Variants in DOK6 observed in about 807,000 individuals in gnomAD.
DOK6 encodes the protein downstream of tyrosine kinase 6.
In DOK6, 22 loss-of-function variants were observed where a neutral mutation model predicts 44.0. The ratio of observed to expected loss-of-function variants is 0.50; its 90% CI spans 0.36 to 0.71. The LOEUF is 0.71. Ranked by LOEUF, DOK6 falls within the 30% of genes least tolerant of loss-of-function variation. DOK6 has a pLI of 0.00. For synonymous variants in DOK6, 166 were observed against 145.5 expected (o/e 1.14, Z -1.01); for missense variants, 340 against 416.4 (o/e 0.82, Z 1.60).
intron 7 of DOK6, among the ~76,000 whole-genome samples, chr18:69,807,862 T>C (rs2145112418): frequency 6.6e-6 from 1 of 151,902 alleles, no homozygotes; most frequent in South Asian, 2.1e-4. Context: ...CTGCAATATC[T>C]TACTTTTAGC....
chr18:69,565,132 G>T (rs1034755115), intron 2 of DOK6, among the ~76,000 whole-genome samples: 2 of 152,114 alleles, frequency 1.3e-5, no homozygotes, highest in African/African-American at 4.8e-5. Flanking sequence ...CCAAAATGAC[G>T]CTAAATATAT....
chr18:69,630,818 T>C (rs1984673513), intron 3 of DOK6, among the ~76,000 whole-genome samples: 1 of 152,196 alleles, frequency 6.6e-6, no homozygotes, highest in South Asian at 2.1e-4. Context: ...TTCTGTAAAA[T>C]ACTTCTGGTA....
At chr18:69,633,985 T>C (rs1259455939) in intron 3 of DOK6, among the ~76,000 whole-genome samples, 2 of 151,706 alleles carry the variant, frequency 1.3e-5, no homozygotes. Flanking sequence ...TAAGAAAACA[T>C]AAATGAAAAG....
At chr18:69,796,934 T>C (rs1016826272) in intron 7 of DOK6, among the ~76,000 whole-genome samples, 2 of 152,202 alleles carry the variant, frequency 1.3e-5, no homozygotes, top group Non-Finnish European at 2.9e-5. Flanking sequence ...TCAATGTTTT[T>C]CTTTAGTAAG....
chr18:69,518,057 C>T (rs567503823), intron 1 of DOK6, among the ~76,000 whole-genome samples: 2 of 152,154 alleles, frequency 1.3e-5, no homozygotes, highest in East Asian at 3.9e-4. Flanking sequence ...TTATGCATTT[C>T]TTTGAGTCTC....
intron 6 of DOK6, among the ~76,000 whole-genome samples, chr18:69,739,503 T>C (rs369683738): frequency 6.6e-6 from 1 of 152,312 alleles, no homozygotes; most frequent in South Asian, 2.1e-4. Flanking sequence ...AACCTTTATG[T>C]TTATCCTAGG....
chr18:69,684,408 A>G (rs1986106088), intron 4 of DOK6, among the ~76,000 whole-genome samples: 1 of 152,206 alleles, frequency 6.6e-6, no homozygotes, highest in South Asian at 2.1e-4. Context: ...AATACCTTGA[A>G]GCACCAAAGG....
chr18:69,727,097 A>G (rs1430857781), intron 5 of DOK6, among the ~76,000 whole-genome samples: 1 of 152,130 alleles, frequency 6.6e-6, no homozygotes, highest in Non-Finnish European at 1.5e-5. Flanking sequence ...GGGCTCAAGC[A>G]ATCCTCCTTC....
intron 3 of DOK6, among the ~76,000 whole-genome samples, chr18:69,632,359 T>C (rs1043091511): frequency 6.6e-6 from 1 of 152,206 alleles, no homozygotes; most frequent in Non-Finnish European, 1.5e-5. Context: ...TCCCATTTTG[T>C]TCTGAGTTTT....
Position 69,401,373 on chromosome 18 carries a change from G to A in DOK6, c.66+63G>A, listed in dbSNP as rs981198062. 8.4e-6 allele frequency: 12 copies of A among 1,424,924 alleles called. No individual in the cohort carries two copies. The East Asian group carries it at 2.1e-4, about 25-fold the overall frequency. The allele number at this position is 1,424,924 out of a possible 1,614,324, so 88.3% of individuals were successfully genotyped here. A position where few individuals can be genotyped will look rare whatever the true frequency, so the allele number is the denominator to read the frequency against. On this transcript the variant is annotated intron_variant, in intron 1 of 7. Coordinates refer to ENST00000382713, the MANE Select transcript of DOK6 (RefSeq NM_152721.6). ...CGTTCGGCCCGGCTGGCTGCCTGGGGGGGGGGCAGGGAGAGGTGACCCGTG... is the reference window on the plus strand; with the variant it reads ...CGTTCGGCCCGGCTGGCTGCCTGGGAGGGGGGCAGGGAGAGGTGACCCGTG...
intron 3 of DOK6, among the ~76,000 whole-genome samples, chr18:69,650,567 G>A (rs1449865048): frequency 3.3e-5 from 5 of 152,172 alleles, no homozygotes; most frequent in East Asian, 1.9e-4. Context: ...CCAACTTTTC[G>A]GAGCTATTTT....
At position 69,759,849 on chromosome 18, in the gene DOK6, G is replaced by C. The variant is rs568346098; in HGVS notation, c.856+1976G>C. ...TTTCATGTTTCTCTGGTTGGTTGGT[G>C]ATGATTACAGAGTGAAAAATATGTA... is the stretch of plus-strand genomic sequence containing the variant. On this transcript the variant is annotated intron_variant, in intron 7 of 7. Transcript: ENST00000382713. 2.0e-4 allele frequency among the ~76,000 whole-genome samples: 30 copies of C among 152,274 alleles called. 1 individual carries two copies. The South Asian group carries it at 6.0e-3, about 31-fold the overall frequency.
intron 1 of DOK6, among the ~76,000 whole-genome samples, chr18:69,473,922 C>T (rs1338242295): frequency 6.6e-6 from 1 of 152,032 alleles, no homozygotes; most frequent in Non-Finnish European, 1.5e-5. Flanking sequence ...CTATCACAGC[C>T]CTATTGGAAG....
chr18:69,506,426 C>T (rs1272116863), intron 1 of DOK6, among the ~76,000 whole-genome samples: 1 of 152,088 alleles, frequency 6.6e-6, no homozygotes, highest in African/African-American at 2.4e-5. Context: ...TATCCCTAAC[C>T]CCTGACAACC....
Position 69,610,657 on chromosome 18 carries a change from A to G in DOK6, c.289+11159A>G, listed in dbSNP as rs143743254. Among the ~76,000 whole-genome samples, 88 of 152,324 alleles carry G rather than the reference A, an allele frequency of 5.8e-4. No individual in the cohort carries two copies. The East Asian group carries it at 0.016, about 27-fold the overall frequency. On this transcript the variant is annotated intron_variant, in intron 3 of 7. Transcript: ENST00000382713. ...GACACTGCATCTGTGGAGTCAACCAACGGTGAATTGAAAATATTTCAGAAG... is the reference window on the plus strand; with the variant it reads ...GACACTGCATCTGTGGAGTCAACCAGCGGTGAATTGAAAATATTTCAGAAG...
intron 3 of DOK6, among the ~76,000 whole-genome samples, chr18:69,634,742 A>G (rs996405236): frequency 1.3e-5 from 2 of 152,254 alleles, no homozygotes; most frequent in Non-Finnish European, 2.9e-5. Context: ...ACAACAGACA[A>G]GTAAACAAAT....
chr18:69,436,083 T>A (rs1217714639), intron 1 of DOK6, among the ~76,000 whole-genome samples: 3 of 152,318 alleles, frequency 2.0e-5, no homozygotes, highest in Non-Finnish European at 4.4e-5. Flanking sequence ...ATTTAAAACC[T>A]TAGTTCTATA....
At chr18:69,778,548 C>T (rs904428228) in intron 7 of DOK6, among the ~76,000 whole-genome samples, 1 of 152,128 alleles carries the variant, frequency 6.6e-6, no homozygotes, top group Non-Finnish European at 1.5e-5. Context: ...CCACTGTAAA[C>T]TACATGGCTG....
chr18:69,506,120 G>C (rs77759451), intron 1 of DOK6, among the ~76,000 whole-genome samples: 12 of 151,956 alleles, frequency 7.9e-5, no homozygotes, highest in African/African-American at 2.9e-4. Flanking sequence ...TTTGGGTTCA[G>C]CAATCTTTGA....
Sources: gnomAD v4.1 joint callset for allele counts (sites outside exome capture counted in the v4.1 genomes callset) on GRCh38, gnomAD v4.1.1 for gene constraint, MANE v1.5 for transcripts, NCBI Gene and HGNC (gene_info 2026-07-23, HGNC 2026-07-21) for gene names.